The following TPRG1 variants were observed in gnomAD, a reference collection of about 807,000 sequenced individuals.
The protein encoded by TPRG1 is tumor protein p63 regulated 1.
A neutral mutation model predicts 29.3 loss-of-function variants in TPRG1; 29 were observed. The ratio of observed to expected loss-of-function variants is 0.99; its 90% CI spans 0.74 to 1.35. TPRG1 has a LOEUF of 1.35. Among genes scored for constraint, TPRG1 ranks in the 40% most tolerant of loss-of-function variants. The pLI, the probability that TPRG1 is intolerant of heterozygous loss-of-function variation, is 0.00. For synonymous variants in TPRG1, 130 were observed against 116.8 expected (o/e 1.11, Z -0.73); for missense variants, 327 against 335.0 (o/e 0.98, Z 0.19).
At chr3:189,153,562 G>T in intron 5 of TPRG1, among the ~76,000 whole-genome samples, 1 of 152,118 alleles carries the variant, frequency 6.6e-6, no homozygotes, top group Non-Finnish European at 1.5e-5. Context: ...CACTCCCCAA[G>T]TGTCTCGGGG....
intron 1 of TPRG1, among the ~76,000 whole-genome samples, chr3:189,117,745 C>T (rs910671485): frequency 2.0e-5 from 3 of 152,204 alleles, no homozygotes; most frequent in African/African-American, 7.2e-5. Context: ...ATCCTGCCAC[C>T]ATGTGAAGAA....
chr3:189,093,781 T>C (rs1718495467), intron 4 of TPRG1, among the ~76,000 whole-genome samples: 1 of 152,232 alleles, frequency 6.6e-6, no homozygotes, highest in South Asian at 2.1e-4. Context: ...TTCCACTGTT[T>C]GTAAAGGCAT....
At chr3:189,071,766 G>A (rs1461158951) in intron 4 of TPRG1, among the ~76,000 whole-genome samples, 2 of 152,200 alleles carry the variant, frequency 1.3e-5, no homozygotes, top group Non-Finnish European at 1.5e-5. Flanking sequence ...TTTTGTTTGA[G>A]CTTCAAAAGA....
intron 4 of TPRG1, among the ~76,000 whole-genome samples, chr3:189,086,951 G>C (rs1334626705): frequency 6.6e-6 from 1 of 152,264 alleles, no homozygotes; most frequent in Admixed American, 6.5e-5. Flanking sequence ...GTTGTGAATA[G>C]TGCTGCAATA....
intron 3 of TPRG1, among the ~76,000 whole-genome samples, chr3:189,138,672 C>CTT (rs1724100192): frequency 1.3e-5 from 2 of 152,186 alleles, no homozygotes; most frequent in South Asian, 4.1e-4. Context: ...TTGGCTAGAA[C>CTT]TTAGCCACCC....
upstream of TPRG1, among the ~76,000 whole-genome samples, chr3:189,098,283 C>T (rs1052609790): frequency 1.3e-5 from 2 of 152,100 alleles, no homozygotes; most frequent in African/African-American, 4.8e-5. Flanking sequence ...TGAAGAAAAA[C>T]AGGGACAATA....
chr3:189,208,527 G>T (rs950078668), intron 2 of TPRG1, among the ~76,000 whole-genome samples: 2 of 152,130 alleles, frequency 1.3e-5, no homozygotes, highest in Admixed American at 1.3e-4. Context: ...GCTTTCAAAA[G>T]ATATCTTTGG....
At chr3:189,177,402 GTATACGCATA>G (rs1729619318) in intron 1 of TPRG1, among the ~76,000 whole-genome samples, 2 of 151,358 alleles carry the variant, frequency 1.3e-5, no homozygotes, top group African/African-American at 4.9e-5. Flanking sequence ...ATGTATGTAT[GTATACGCATA>G]TATATGTCTA....
At chr3:189,060,615 G>A (rs553115272) in intron 4 of TPRG1, among the ~76,000 whole-genome samples, 4 of 152,248 alleles carry the variant, frequency 2.6e-5, no homozygotes, top group African/African-American at 9.6e-5. Flanking sequence ...TAAAATCAAT[G>A]TGCAAAAATT....
chr3:189,099,678 C>T (rs796196980), upstream of TPRG1, among the ~76,000 whole-genome samples: 24 of 152,134 alleles, frequency 1.6e-4, no homozygotes, highest in African/African-American at 5.8e-4. Flanking sequence ...ACAGCCCCGC[C>T]GGTAGCTCAA....
intron 1 of TPRG1, among the ~76,000 whole-genome samples, chr3:189,205,343 A>C (rs1419282894): frequency 6.6e-6 from 1 of 152,230 alleles, no homozygotes; most frequent in African/African-American, 2.4e-5. Flanking sequence ...TCTACATTCA[A>C]ATCCTCAGGG....
chr3:189,158,825 A>G (rs1424698927), intron 5 of TPRG1, among the ~76,000 whole-genome samples: 1 of 151,964 alleles, frequency 6.6e-6, no homozygotes, highest in Non-Finnish European at 1.5e-5. Flanking sequence ...CCGAAGTCTA[A>G]AACAAAATTG....
intron 1 of TPRG1, among the ~76,000 whole-genome samples, chr3:189,206,669 T>G (rs1734425259): frequency 6.6e-6 from 1 of 151,840 alleles, no homozygotes; most frequent in African/African-American, 2.4e-5. Context: ...TCTGGCTAAT[T>G]TTTGTATTTT....
intron 4 of TPRG1, among the ~76,000 whole-genome samples, chr3:189,094,174 T>G (rs961345709): frequency 4.6e-5 from 7 of 152,120 alleles, no homozygotes; most frequent in Non-Finnish European, 5.9e-5. Flanking sequence ...GAGATATTTT[T>G]GGGAACAGAG....
chr3:189,166,252 C>T (rs556859367), intron 5 of TPRG1, among the ~76,000 whole-genome samples: 7 of 152,342 alleles, frequency 4.6e-5, no homozygotes, highest in Non-Finnish European at 8.8e-5. Context: ...TCTGGTTCAA[C>T]TCCTATGGTC....
At chr3:189,163,256 A>G (rs985491951) in intron 5 of TPRG1, among the ~76,000 whole-genome samples, 4 of 152,192 alleles carry the variant, frequency 2.6e-5, no homozygotes, top group African/African-American at 9.6e-5. Flanking sequence ...CTGGGCGACA[A>G]GAGAGAAACT....
At chr3:189,079,842 A>G (rs941576615) in intron 4 of TPRG1, among the ~76,000 whole-genome samples, 4 of 152,194 alleles carry the variant, frequency 2.6e-5, no homozygotes, top group African/African-American at 9.7e-5. Flanking sequence ...AACAGTAAGC[A>G]TTTTCCGAGG....
chr3:189,294,429 T>C (rs1238938640), intron 4 of TPRG1, among the ~76,000 whole-genome samples: 1 of 152,176 alleles, frequency 6.6e-6, no homozygotes, highest in Non-Finnish European at 1.5e-5. Flanking sequence ...ACTTTGCTTG[T>C]TGAGTGAAAG....
At chr3:189,156,972 T>C (rs1199388904) in intron 5 of TPRG1, among the ~76,000 whole-genome samples, 2 of 152,194 alleles carry the variant, frequency 1.3e-5, no homozygotes, top group East Asian at 3.9e-4. Context: ...TAGTGCTGCT[T>C]TGGTTATCCT....
Sources: gnomAD v4.1 joint callset for allele counts (sites outside exome capture counted in the v4.1 genomes callset) on GRCh38, gnomAD v4.1.1 for gene constraint, MANE v1.5 for transcripts, NCBI Gene and HGNC (gene_info 2026-07-23, HGNC 2026-07-21) for gene names.